DCLK1: variants seen among roughly 807,000 people sequenced by gnomAD.
The protein encoded by DCLK1 is doublecortin like kinase 1.
A neutral mutation model predicts 86.2 loss-of-function variants in DCLK1; 16 were observed. The ratio of observed to expected loss-of-function variants is 0.19; its 90% confidence interval spans 0.13 to 0.28. The LOEUF is 0.28. Among genes scored for constraint, DCLK1 ranks in the 10% least tolerant of loss-of-function variants. DCLK1 has a pLI of 1.00. For missense variants in DCLK1, 590 were observed against 940.2 expected (o/e 0.63, Z 4.87); for synonymous variants, 369 against 370.5 (o/e 1.00, Z 0.05).
chr13:36,020,746 C>G (rs1485037262), intron 3 of DCLK1, among the ~76,000 whole-genome samples: 2 of 151,366 alleles, frequency 1.3e-5, no homozygotes, highest in Non-Finnish European at 2.9e-5. Context: ...AAAAAAAAAA[C>G]TATCAACTAA....
At chr13:35,932,567 G>T (rs113920072) in intron 4 of DCLK1, among the ~76,000 whole-genome samples, 2 of 152,306 alleles carry the variant, frequency 1.3e-5, no homozygotes, top group African/African-American at 4.8e-5. Flanking sequence ...GCAAGGAGGA[G>T]CAAGTAACGT....
intron 6 of DCLK1, chr13:35,848,447 C>T: frequency 1.0e-6 from 1 of 985,166 alleles, no homozygotes; most frequent in Non-Finnish European, 1.2e-6. Flanking sequence ...TATATATAGC[C>T]CCTGAACAGT....
intron 4 of DCLK1, among the ~76,000 whole-genome samples, chr13:35,875,005 A>G (rs1024012383): frequency 6.6e-6 from 1 of 152,252 alleles, no homozygotes; most frequent in Non-Finnish European, 1.5e-5. Context: ...AGCTGCAGGC[A>G]TGATGGAGAA....
At chr13:36,114,860 G>A (rs1280986830) in intron 2 of DCLK1, among the ~76,000 whole-genome samples, 1 of 152,188 alleles carries the variant, frequency 6.6e-6, no homozygotes, top group Non-Finnish European at 1.5e-5. Context: ...GTTTTGATTT[G>A]GTCAAGTAGC....
intron 4 of DCLK1, among the ~76,000 whole-genome samples, chr13:35,930,763 T>C (rs1593743067): frequency 6.6e-6 from 1 of 152,300 alleles, no homozygotes; most frequent in East Asian, 1.9e-4. Flanking sequence ...AACTTAAGCA[T>C]AACCCATCAG....
rs967476634 is a variant in DCLK1 at position 35,773,403 on chromosome 13, A to C, written c.*1132T>G. On this transcript the variant is annotated 3_prime_UTR_variant, in exon 17 of 17. Coordinates refer to ENST00000360631, the MANE Select transcript of DCLK1 (RefSeq NM_001330071.2). The stretch of plus-strand genomic sequence containing the variant: ...TAGGTAACCTAAAGGTGCACATGGA[A>C]TTGTCTTGCCAGTGGTTTATTCACT... The C allele has an allele frequency of 1.3e-5, 2 of 152,070 alleles. No homozygotes were observed. The highest frequency in any genetic ancestry group is 4.8e-5 in the African/African-American group (2 of 41,340). 9.4% of individuals were successfully genotyped at this position (152,070 alleles called of 1,614,324 possible).
At chr13:36,066,814 C>T (rs1343511572) in intron 3 of DCLK1, among the ~76,000 whole-genome samples, 1 of 151,958 alleles carries the variant, frequency 6.6e-6, no homozygotes, top group Admixed American at 6.6e-5. Flanking sequence ...AAAATGCTCA[C>T]CATCACTGGC....
At chr13:35,889,570 A>G (rs1271892549) in intron 4 of DCLK1, among the ~76,000 whole-genome samples, 1 of 152,158 alleles carries the variant, frequency 6.6e-6, no homozygotes, top group Admixed American at 6.5e-5. Flanking sequence ...TCTTTAAATG[A>G]CTATTTGTTA....
chr13:36,084,692 T>C (rs1884534306), intron 3 of DCLK1, among the ~76,000 whole-genome samples: 1 of 152,154 alleles, frequency 6.6e-6, no homozygotes, highest in African/African-American at 2.4e-5. Flanking sequence ...TTAGAAAGAC[T>C]ACCAACAAGG....
chr13:35,865,454 G>C (rs1871722350), intron 5 of DCLK1, among the ~76,000 whole-genome samples: 1 of 152,154 alleles, frequency 6.6e-6, no homozygotes, highest in Non-Finnish European at 1.5e-5. Context: ...CACGCAATTT[G>C]TCTGGAGGCT....
At position 35,998,003 on chromosome 13, in the gene DCLK1, C is replaced by T. The variant is rs75429745; in HGVS notation, c.724-50546G>A. ...CTGATCCAGACCATTGTTGGAGTGG[C>T]ATCATCACTCGATCAATTCTTCTTT... On this transcript the variant is annotated intron_variant, in intron 3 of 16. Transcript: ENST00000360631. 7.8e-3 allele frequency among the ~76,000 whole-genome samples: 1,187 copies of T among 152,276 alleles called. 18 individuals are homozygous for T. Among genetic ancestry groups the T allele is most frequent in the African/African-American group, 0.027 (1,141 of 41,552 alleles).
chr13:35,980,774 A>C (rs563463990), intron 3 of DCLK1, among the ~76,000 whole-genome samples: 123 of 152,088 alleles, frequency 8.1e-4, no homozygotes, highest in Admixed American at 2.8e-3. Context: ...ATGCTCACTC[A>C]TCCTGCTGTC....
chr13:36,073,245 T>TC (rs1391525661), intron 3 of DCLK1, among the ~76,000 whole-genome samples: 1 of 152,230 alleles, frequency 6.6e-6, no homozygotes, highest in African/African-American at 2.4e-5. Flanking sequence ...AGTCATGCTA[T>TC]CCTCCTACGT....
At chr13:36,106,123 T>C (rs1885387381) in intron 3 of DCLK1, among the ~76,000 whole-genome samples, 2 of 152,196 alleles carry the variant, frequency 1.3e-5, no homozygotes, top group African/African-American at 2.4e-5. Context: ...AAACTAACTT[T>C]TGCTAAAATG....
At chr13:36,001,392 C>T (rs1368442054) in intron 3 of DCLK1, among the ~76,000 whole-genome samples, 2 of 152,186 alleles carry the variant, frequency 1.3e-5, no homozygotes, top group Non-Finnish European at 2.9e-5. Context: ...AACCAGCTGC[C>T]TATGGGTTCC....
chr13:35,810,747 A>G (rs949449066), intron 12 of DCLK1, 88 bp downstream of exon 12: 1 of 1,470,716 alleles, frequency 6.8e-7, no homozygotes, highest in Admixed American at 2.2e-5. Flanking sequence ...TTATGTCTGG[A>G]TAGGGCACAG....
chr13:35,907,334 A>C (rs1874743085), intron 4 of DCLK1, among the ~76,000 whole-genome samples: 1 of 151,728 alleles, frequency 6.6e-6, no homozygotes, highest in African/African-American at 2.4e-5. Flanking sequence ...GGCTAATTTA[A>C]ATTTTTTTTG....
chr13:36,071,353 T>G (rs1018036749), intron 3 of DCLK1, among the ~76,000 whole-genome samples: 5 of 152,202 alleles, frequency 3.3e-5, no homozygotes, highest in Non-Finnish European at 5.9e-5. Context: ...GCACTTTCTA[T>G]GTGATTTTAT....
chr13:36,037,152 AT>A (rs1259907581), intron 3 of DCLK1, among the ~76,000 whole-genome samples: 3 of 152,178 alleles, frequency 2.0e-5, no homozygotes, highest in African/African-American at 7.2e-5. Flanking sequence ...AGAAAGACAA[AT>A]ATCACCTGTT....
Sources: allele counts gnomAD v4.1 joint callset (sites outside exome capture counted in the v4.1 genomes callset), GRCh38; gene constraint gnomAD v4.1.1; transcripts MANE v1.5; gene names NCBI Gene and HGNC (gene_info 2026-07-23, HGNC 2026-07-21).